The following COPS7B variants were observed in gnomAD, a reference collection of about 807,000 sequenced individuals.
The protein encoded by COPS7B is COP9 signalosome subunit 7B, also known as COP9 signalosome complex subunit 7b.
Under a neutral mutation model 33.4 loss-of-function variants are expected in COPS7B, and 9 were observed. The observed-to-expected ratio is 0.27, with a 90% CI of 0.16 to 0.47. COPS7B has a LOEUF of 0.47. Among genes scored for constraint, COPS7B ranks in the 20% least tolerant of loss-of-function variants. The pLI is 0.99. For synonymous variants in COPS7B, 119 were observed against 126.3 expected (o/e 0.94, Z 0.39); for missense variants, 242 against 318.2 (o/e 0.76, Z 1.82).
chr2:231,798,254 CTT>C (rs532747492), intron 5 of COPS7B, among the ~76,000 whole-genome samples: 18,602 of 115,994 alleles, frequency 0.16, 1,196 homozygotes, highest in Non-Finnish European at 0.21. Flanking sequence ...ATTCTACCTT[CTT>C]TTTTTTTTTT....
chr2:231,787,270 T>C (rs1416580985), intron 1 of COPS7B, among the ~76,000 whole-genome samples: 1 of 152,228 alleles, frequency 6.6e-6, no homozygotes, highest in Non-Finnish European at 1.5e-5. Context: ...GACATACTTG[T>C]TTCTCTAATA....
At chr2:231,781,935 A>G (rs1445681720), upstream of COPS7B, 2 of 1,505,590 alleles carry the variant, frequency 1.3e-6, no homozygotes, top group African/African-American at 1.4e-5. Context: ...GAAAGAGAAC[A>G]AAATGACTTC....
intron 3 of COPS7B, among the ~76,000 whole-genome samples, chr2:231,793,201 G>A (rs756341292): frequency 5.9e-5 from 9 of 152,158 alleles, no homozygotes; most frequent in Non-Finnish European, 1.0e-4. Flanking sequence ...GAAGTTAGAT[G>A]TTTCAGAATT....
intron 6 of COPS7B, among the ~76,000 whole-genome samples, chr2:231,805,508 AG>A (rs2049869555): frequency 6.7e-6 from 1 of 149,920 alleles, no homozygotes; most frequent in Non-Finnish European, 1.5e-5. Flanking sequence ...TGTGTCACCC[AG>A]GCTGGAATCA....
intron 3 of COPS7B, 58 bp from the exon 4 acceptor site, chr2:231,794,205 A>G: frequency 2.7e-6 from 4 of 1,468,294 alleles, no homozygotes; most frequent in South Asian, 2.3e-5. Context: ...CTTATTCCAT[A>G]AAAGAAATCC....
chr2:231,781,867 G>A, upstream of COPS7B: 1 of 1,550,840 alleles, frequency 6.4e-7, no homozygotes, highest in African/African-American at 1.4e-5. Context: ...ATGGAACTCA[G>A]ACATCTGCAA....
At chr2:231,796,032 A>G (rs537451982) in intron 4 of COPS7B, 74 bp from the exon 5 acceptor site, 617 of 1,280,964 alleles carry the variant, frequency 4.8e-4, no homozygotes, top group Non-Finnish European at 6.2e-4. Context: ...GCTGTTGGCT[A>G]TGGGAGTAAT....
intron 6 of COPS7B, among the ~76,000 whole-genome samples, chr2:231,800,469 C>T (rs942086791): frequency 1.3e-5 from 2 of 152,152 alleles, no homozygotes; most frequent in African/African-American, 4.8e-5. Flanking sequence ...GGAGGCTAAC[C>T]ACACTACCTA....
upstream of COPS7B, among the ~76,000 whole-genome samples, chr2:231,784,243 A>G (rs1245942670): frequency 6.6e-6 from 1 of 151,624 alleles, no homozygotes; most frequent in Non-Finnish European, 1.5e-5. Flanking sequence ...GCACTCTGGG[A>G]GCCAAGGTGG....
chr2:231,790,413 T>G (rs565501135), intron 2 of COPS7B: 1 of 152,360 alleles, frequency 6.6e-6, no homozygotes, highest in Non-Finnish European at 1.5e-5. Flanking sequence ...TTCTTCCCCT[T>G]CTGATTCAGG....
upstream of COPS7B, among the ~76,000 whole-genome samples, chr2:231,783,830 G>A (rs1390441423): frequency 2.0e-5 from 3 of 152,060 alleles, no homozygotes; most frequent in Admixed American, 2.0e-4. Context: ...TCGAACTCCT[G>A]GGATCAAGTG....
chr2:231,788,213 T>C (rs1457355765), intron 1 of COPS7B, among the ~76,000 whole-genome samples: 1 of 148,298 alleles, frequency 6.7e-6, no homozygotes, highest in Non-Finnish European at 1.5e-5. Context: ...CTTGGCTCAC[T>C]GCAACCTCCA....
At chr2:231,797,676 T>C (rs2049612071) in intron 5 of COPS7B, among the ~76,000 whole-genome samples, 1 of 152,170 alleles carries the variant, frequency 6.6e-6, no homozygotes, top group Non-Finnish European at 1.5e-5. Flanking sequence ...ACAAAATTCA[T>C]AGGCTGAGGG....
At chr2:231,795,250 C>A (rs946380243) in intron 4 of COPS7B, among the ~76,000 whole-genome samples, 1 of 151,994 alleles carries the variant, frequency 6.6e-6, no homozygotes, top group Non-Finnish European at 1.5e-5. Flanking sequence ...TAAATTGAGA[C>A]AAGGGTCTCA....
At chr2:231,794,126 T>C (rs897526975) in intron 3 of COPS7B, 137 bp from the exon 4 acceptor site, 5 of 582,482 alleles carry the variant, frequency 8.6e-6, no homozygotes, top group South Asian at 7.5e-5. Flanking sequence ...ACAGGAATAT[T>C]TGTCAAATGA....
At position 231,803,503 on chromosome 2, in the gene COPS7B, G is replaced by A. The variant is rs1450777238; in HGVS notation, c.637-3984G>A. On this transcript the variant is annotated intron_variant, in intron 6 of 6. Transcript: ENST00000350033. ...TTTTATTGCATGTCAGGGTTACTGA[G>A]CCCCTAAAAAAGCTGAATGAGAGCA... is the stretch of plus-strand genomic sequence containing the variant. Among the ~76,000 whole-genome samples the A allele has an allele frequency of 1.1e-4, 16 of 152,270 alleles. No individual in the cohort carries two copies. In the East Asian group the frequency reaches 3.1e-3, roughly 29 times the overall value.
chr2:231,799,101 T>C (rs1347795103), intron 6 of COPS7B, 137 bp downstream of exon 6: 2 of 704,470 alleles, frequency 2.8e-6, no homozygotes, highest in African/African-American at 3.5e-5. Flanking sequence ...GGCTAGGTGC[T>C]GGGTTACAGG....
At chr2:231,781,830 G>A (rs1299998781), upstream of COPS7B, 1 of 1,550,812 alleles carries the variant, frequency 6.4e-7, no homozygotes, top group Non-Finnish European at 8.7e-7. Context: ...GAAGATGACA[G>A]CCCGCAGAGA....
In COPS7B at chr2:231,808,220, C is replaced by G. The variant is rs2049951397; in HGVS notation, c.*575C>G. 2 of 340,638 alleles carry G rather than the reference C, an allele frequency of 5.9e-6. No homozygotes were observed. The highest frequency in any genetic ancestry group is 1.2e-5 in the Non-Finnish European group (2 of 168,392). The allele number at this position is 340,638 out of a possible 1,614,324, so 21.1% of individuals were successfully genotyped here. On this transcript the variant is annotated 3_prime_UTR_variant, in exon 7 of 7. Coordinates refer to ENST00000350033, the MANE Select transcript of COPS7B (RefSeq NM_022730.4). ...GATGCTGGGCTGTGTTTACTAAACC[C>G]ACGGGTTTTCAGCCTCTTAAGCCCA...
Sources: allele counts gnomAD v4.1 joint callset (sites outside exome capture counted in the v4.1 genomes callset), GRCh38; gene constraint gnomAD v4.1.1; transcripts MANE v1.5; gene names NCBI Gene and HGNC (gene_info 2026-07-23, HGNC 2026-07-21).